Variants in ATAD1 observed in about 807,000 individuals in gnomAD.
ATAD1 encodes the protein outer mitochondrial transmembrane helix translocase.
ATAD1 carries 18 observed loss-of-function variants against 42.7 expected under a neutral mutation model. The ratio of observed to expected loss-of-function variants is 0.42; its 90% CI spans 0.29 to 0.63. The LOEUF (loss-of-function observed/expected upper bound fraction) is 0.63, where lower values mean the gene tolerates loss of function less well. Ranked by LOEUF, ATAD1 falls within the 20% of genes least tolerant of loss-of-function variation. The pLI is 0.19. For synonymous variants in ATAD1, 132 were observed against 143.1 expected, an observed-to-expected ratio of 0.92 and a Z score of 0.55; for missense variants, 294 against 440.4, an observed-to-expected ratio of 0.67 and a Z score of 2.98.
At position 87,754,470 on chromosome 10, in the gene ATAD1, G is replaced by A. The variant is rs774002279; in HGVS notation, c.*217C>T. 8 of 384,866 alleles carry A rather than the reference G, an allele frequency of 2.1e-5. No individual in the cohort carries two copies. The highest frequency in any genetic ancestry group is 3.6e-5 in the Non-Finnish European group (8 of 223,084). 23.8% of individuals were successfully genotyped at this position (384,866 alleles called of 1,614,324 possible). On this transcript the variant is annotated 3_prime_UTR_variant, in exon 10 of 10. Coordinates refer to ENST00000680024, the MANE Select transcript of ATAD1 (RefSeq NM_001321967.2). ...GAAAAGGTCAAACACAAGCACCCAC[G>A]TTCAGGCTGGATTCAACTGTTCCTC... is the stretch of plus-strand genomic sequence containing the variant.
chr10:87,815,355 G>C (rs1857368058), intron 1 of ATAD1, among the ~76,000 whole-genome samples: 1 of 152,010 alleles, frequency 6.6e-6, no homozygotes, highest in South Asian at 2.1e-4. Flanking sequence ...TAGGCTTACA[G>C]AAGACATACA....
At chr10:87,763,080 CAAAAA>C (rs71019501) in intron 8 of ATAD1, among the ~76,000 whole-genome samples, 2 of 26,528 alleles carry the variant, frequency 7.5e-5, no homozygotes, top group East Asian at 1.3e-3. Flanking sequence ...GACTCTGTCA[CAAAAA>C]AAAAAAAAAA....
intron 3 of ATAD1, among the ~76,000 whole-genome samples, chr10:87,792,044 G>A (rs1301830995): frequency 3.9e-5 from 6 of 152,286 alleles, no homozygotes; most frequent in Non-Finnish European, 8.8e-5. Context: ...ATACATAAAA[G>A]TTTTACTAAA....
At chr10:87,818,548 T>C (rs1271560537), upstream of ATAD1, 2 of 152,324 alleles carry the variant, frequency 1.3e-5, no homozygotes, top group East Asian at 1.9e-4. Context: ...TTCTTGAGAG[T>C]GCAGAAATGC....
intron 1 of ATAD1, among the ~76,000 whole-genome samples, chr10:87,838,010 C>T (rs1428072365): frequency 6.6e-6 from 1 of 152,178 alleles, no homozygotes; most frequent in Non-Finnish European, 1.5e-5. Context: ...GAGGGCTTCT[C>T]CTGGGGCTCT....
At chr10:87,791,455 G>GA (rs35065453) in intron 3 of ATAD1, among the ~76,000 whole-genome samples, 44,337 of 148,818 alleles carry the variant, frequency 0.3, 6,684 homozygotes, top group Non-Finnish European at 0.31. Context: ...AGCCAGATCT[G>GA]AAAAAAAAAA....
At chr10:87,795,469 T>TTTG (rs1455835892) in intron 2 of ATAD1, among the ~76,000 whole-genome samples, 3 of 151,652 alleles carry the variant, frequency 2.0e-5, no homozygotes, top group East Asian at 3.9e-4. Flanking sequence ...TTGCTTGTTT[T>TTTG]TTTTTTTTTT....
chr10:87,765,825 C>A (rs1395946386), intron 8 of ATAD1, among the ~76,000 whole-genome samples: 1 of 152,012 alleles, frequency 6.6e-6, no homozygotes, highest in Non-Finnish European at 1.5e-5. Flanking sequence ...CCCAGGAGTT[C>A]AACACCAGCC....
intron 5 of ATAD1, among the ~76,000 whole-genome samples, chr10:87,782,413 C>T (rs1344751926): frequency 1.3e-5 from 2 of 152,128 alleles, no homozygotes; most frequent in Non-Finnish European, 2.9e-5. Flanking sequence ...AGCAAAAAAC[C>T]TAGCAAACGT....
At chr10:87,818,702 T>C (rs185420129), upstream of ATAD1, 3 of 152,378 alleles carry the variant, frequency 2.0e-5, no homozygotes, top group Middle Eastern at 3.4e-3. Flanking sequence ...ACCACCTGCC[T>C]TTCAATTCTC....
chr10:87,762,356 C>G (rs1382134626), intron 8 of ATAD1, among the ~76,000 whole-genome samples: 1 of 152,154 alleles, frequency 6.6e-6, no homozygotes, highest in Non-Finnish European at 1.5e-5. Flanking sequence ...CATCCTAATT[C>G]AAAGGAACTT....
chr10:87,832,466 C>T (rs2132112112), intron 1 of ATAD1, among the ~76,000 whole-genome samples: 1 of 151,478 alleles, frequency 6.6e-6, no homozygotes, highest in African/African-American at 2.4e-5. Context: ...TATTCTGTTC[C>T]ACTGATCTTA....
intron 9 of ATAD1, among the ~76,000 whole-genome samples, chr10:87,756,138 A>G (rs1033670092): frequency 1.3e-5 from 2 of 152,218 alleles, no homozygotes; most frequent in African/African-American, 4.8e-5. Flanking sequence ...AAGGGAGACC[A>G]AGAGACAAAG....
intron 2 of ATAD1, among the ~76,000 whole-genome samples, chr10:87,794,459 A>AAACCCTCCCAC (rs1365150330): frequency 1.3e-5 from 2 of 152,204 alleles, no homozygotes; most frequent in African/African-American, 4.8e-5. Context: ...AGTAAATGTG[A>AAACCCTCCCAC]AACCCTCCCA....
chr10:87,767,796 T>C (rs1234300233), intron 7 of ATAD1, 73 bp from the exon 8 acceptor site: 2 of 1,432,612 alleles, frequency 1.4e-6, no homozygotes, highest in Non-Finnish European at 1.9e-6. Context: ...GTGTTCCTAA[T>C]ATTTTGTCCC....
chr10:87,800,611 A>C (rs1856647632), intron 2 of ATAD1, among the ~76,000 whole-genome samples: 1 of 150,722 alleles, frequency 6.6e-6, no homozygotes, highest in African/African-American at 2.4e-5. Context: ...GCTGAAATTA[A>C]AAAAAAAAAT....
chr10:87,809,136 T>C (rs1857061904), intron 2 of ATAD1, among the ~76,000 whole-genome samples: 1 of 152,146 alleles, frequency 6.6e-6, no homozygotes, highest in East Asian at 1.9e-4. Flanking sequence ...TTCTAAGGGT[T>C]TACCCATACC....
intron 2 of ATAD1, among the ~76,000 whole-genome samples, chr10:87,801,289 T>G (rs186947620): frequency 6.6e-6 from 1 of 152,200 alleles, no homozygotes; most frequent in South Asian, 2.1e-4. Context: ...TTTTAAACCT[T>G]TGATATTTGA....
upstream of ATAD1, among the ~76,000 whole-genome samples, chr10:87,820,987 G>A (rs1369935185): frequency 6.6e-6 from 1 of 152,140 alleles, no homozygotes; most frequent in Non-Finnish European, 1.5e-5. Context: ...AGAGCAGACT[G>A]TAGACTTTCT....
Sources: allele counts gnomAD v4.1 joint callset (sites outside exome capture counted in the v4.1 genomes callset), GRCh38; gene constraint gnomAD v4.1.1; transcripts MANE v1.5; gene names NCBI Gene and HGNC (gene_info 2026-07-23, HGNC 2026-07-21).